The following ZSCAN21 variants were observed in gnomAD, a reference collection of about 807,000 sequenced individuals.
ZSCAN21 encodes zinc finger and SCAN domain-containing protein 21.
Under a neutral mutation model 35.6 loss-of-function variants are expected in ZSCAN21, and 26 were observed. The ratio of observed to expected loss-of-function variants is 0.73; its 90% CI spans 0.54 to 1.01. The LOEUF is 1.01. ZSCAN21 is among the 50% of genes least tolerant of loss of function. The pLI is 0.00. For missense variants in ZSCAN21, 593 were observed against 587.1 expected (o/e 1.01, Z -0.10); for synonymous variants, 219 against 219.3 (o/e 1.00, Z 0.01).
chr7:100,054,957 CTTT>C (rs10596959), intron 1 of ZSCAN21, among the ~76,000 whole-genome samples: 53 of 132,398 alleles, frequency 4.0e-4, no homozygotes, highest in Admixed American at 7.6e-4. Flanking sequence ...TATGATCTCT[CTTT>C]TTTTTTTTTT....
chr7:100,057,937 G>A, intron 3 of ZSCAN21, 47 bp downstream of exon 3: 1 of 1,409,754 alleles, frequency 7.1e-7, no homozygotes, highest in Non-Finnish European at 9.4e-7. Flanking sequence ...AGGCCCCTGT[G>A]GTTGGAGAAG....
rs1488557406 is a variant in ZSCAN21 at position 100,064,128 on chromosome 7, G to C, written c.933G>C (p.Gly311=). 6.2e-7 allele frequency: 1 copy of C among 1,614,118 alleles called. No individual in the cohort carries two copies. Among genetic ancestry groups the C allele is most frequent in the Non-Finnish European group, 8.5e-7 (1 of 1,180,032 alleles). Residue 311 remains glycine (G), a synonymous_variant, in exon 4 of 4, where the codon GGG becomes GGC. Transcript: ENST00000292450. ...AACCTTACGTGTGCACCAAGTGTGGGAAAGCTTTCAGCCACAGCTCAAACC... is the reference window on the plus strand; with the variant it reads ...AACCTTACGTGTGCACCAAGTGTGGCAAAGCTTTCAGCCACAGCTCAAACC... The part of the protein sequence containing the change: ...GEKPYVCTKC[G]KAFSHSSNLT...
At chr7:100,051,282 C>CTTATTTTTTTTTTTTTTTTT (rs1791863564) in intron 1 of ZSCAN21, among the ~76,000 whole-genome samples, 1 of 34,948 alleles carries the variant, frequency 2.9e-5, no homozygotes, top group Non-Finnish European at 5.2e-5. Flanking sequence ...TAGGGATTTT[C>CTTATTTTTTTTTTTTTTTTT]TTTTTTTTTT....
chr7:100,057,058 C>T lies in ZSCAN21; in HGVS notation c.52C>T (p.Gln18Ter), dbSNP rs1357821710. 2 of 1,614,070 alleles carry T rather than the reference C, an allele frequency of 1.2e-6. No homozygotes were observed. The highest frequency in any genetic ancestry group is 1.3e-5 in the African/African-American group (1 of 75,058). Residue 18 changes from glutamine to a stop codon, truncating the protein, a stop_gained, in exon 2 of 4, where the codon CAG (glutamine) becomes TAG (stop). Coordinates refer to ENST00000292450, the MANE Select transcript of ZSCAN21 (RefSeq NM_145914.3). LOFTEE classifies it high-confidence loss of function. ...CCCAGTTCTGGGCCCTAGGCCTCCACAGGAGCAGGTGGGGCCTCTGATGGT... is the reference window on the plus strand; with the variant it reads ...CCCAGTTCTGGGCCCTAGGCCTCCATAGGAGCAGGTGGGGCCTCTGATGGT... ...MAPVLGPRPPQEQVGPLMVKV... is the reference protein window; with the variant it reads ...MAPVLGPRPP
At chr7:100,060,838 G>A (rs1339404010) in intron 3 of ZSCAN21, among the ~76,000 whole-genome samples, 2 of 136,192 alleles carry the variant, frequency 1.5e-5, no homozygotes, top group Admixed American at 8.5e-5. Context: ...CCAGCCTGGC[G>A]CAACAGAGTA....
Position 100,064,638 on chromosome 7 carries a change from T to C in ZSCAN21, c.*21T>C, listed in dbSNP as rs1554360449. On this transcript the variant is annotated 3_prime_UTR_variant, in exon 4 of 4. Transcript: ENST00000292450. ...CGTAACTTTCAAGCGCTCCTGTTGTTGTCGTTGTTTTAAACTTTAGAATCT... is the reference window on the plus strand; with the variant it reads ...CGTAACTTTCAAGCGCTCCTGTTGTCGTCGTTGTTTTAAACTTTAGAATCT... 1.9e-6 allele frequency: 3 copies of C among 1,605,232 alleles called. No individual in the cohort carries two copies. The Admixed American group carries it at 5.1e-5, about 27-fold the overall frequency.
In ZSCAN21 at chr7:100,057,021, A is replaced by G. The variant is rs2116100539; in HGVS notation, c.15A>G (p.Val5=). The G allele has an allele frequency of 6.2e-7, 1 of 1,610,060 alleles. No individual in the cohort carries two copies. The highest frequency in any genetic ancestry group is 1.1e-5 in the South Asian group (1 of 90,700). Residue 5 remains valine (V), a synonymous_variant, in exon 2 of 4, where the codon GTA becomes GTG. Transcript: ENST00000292450. MMTK[V]LGMAPVLGPR... is the part of the protein sequence containing the mutation. ...CTGGAGTTTACATGATGACCAAGGTACTAGGCATGGCCCCAGTTCTGGGCC... is the reference window on the plus strand; with the variant it reads ...CTGGAGTTTACATGATGACCAAGGTGCTAGGCATGGCCCCAGTTCTGGGCC...
chr7:100,060,596 G>A (rs1403756468), intron 3 of ZSCAN21, among the ~76,000 whole-genome samples: 2 of 151,060 alleles, frequency 1.3e-5, no homozygotes, highest in Non-Finnish European at 2.9e-5. Flanking sequence ...GCTGGGCATG[G>A]TGGCTCACGC....
At chr7:100,060,858 C>CAAAAAAA (rs372983638) in intron 3 of ZSCAN21, among the ~76,000 whole-genome samples, 1 of 74,452 alleles carries the variant, frequency 1.3e-5, no homozygotes, top group Non-Finnish European at 2.6e-5. Flanking sequence ...AGGACTCCGT[C>CAAAAAAA]AAAAAAAAAA....
intron 1 of ZSCAN21, among the ~76,000 whole-genome samples, chr7:100,053,808 G>A (rs1374633621): frequency 1.3e-5 from 2 of 151,920 alleles, no homozygotes; most frequent in African/African-American, 4.8e-5. Context: ...ACCAGAAACC[G>A]AAAGGAACCA....
At position 100,063,998 on chromosome 7, in the gene ZSCAN21, C is replaced by T. The variant is rs1428047499; in HGVS notation, c.803C>T (p.Thr268Ile). The T allele has an allele frequency of 6.2e-7, 1 of 1,614,062 alleles. No individual in the cohort carries two copies. The highest frequency in any genetic ancestry group is 8.5e-7 in the Non-Finnish European group (1 of 1,180,032). Residue 268 changes from threonine (T) to isoleucine (I), a missense_variant, in exon 4 of 4, where the codon ACT (threonine) becomes ATT (isoleucine). By Grantham distance (89) the Thr-to-Ile change is moderately conservative. Transcript: ENST00000292450. The part of the protein sequence containing the change: ...GSKKGRESVP[T>I]KPTPGERRYI... ...AAGAAAGGTAGAGAATCAGTTCCTA[C>T]TAAACCTACCCCAGGAGAGAGACGT... is the stretch of plus-strand genomic sequence containing the variant.
At chr7:100,055,739 C>T (rs1022597795) in intron 1 of ZSCAN21, among the ~76,000 whole-genome samples, 5 of 149,998 alleles carry the variant, frequency 3.3e-5, no homozygotes, top group Non-Finnish European at 4.4e-5. Context: ...GTCCCTGGTT[C>T]AGGCCATTCT....
rs1414030259 is a variant in ZSCAN21, at chr7:100,064,348, G to A, written c.1153G>A (p.Glu385Lys). Residue 385 changes from glutamate to lysine, a missense_variant, in exon 4 of 4, where the codon GAG becomes AAG. Physicochemically the swap from Glu to Lys is moderately conservative, Grantham distance 56. Coordinates refer to ENST00000292450, the MANE Select transcript of ZSCAN21 (RefSeq NM_145914.3). ...TCGTCACTATCGGATCCACACTGGG[G>A]AGAAGCCTTATCAGTGTAACGAATG... ...LIRHYRIHTG[E>K]KPYQCNECGK... The A allele has an allele frequency of 1.2e-6, 2 of 1,614,174 alleles. No individual in the cohort carries two copies. The highest frequency in any genetic ancestry group is 3.3e-5 in the Admixed American group (2 of 60,014).
intron 3 of ZSCAN21, among the ~76,000 whole-genome samples, chr7:100,058,796 A>G (rs1253485770): frequency 1.3e-5 from 2 of 152,118 alleles, no homozygotes; most frequent in East Asian, 1.9e-4. Context: ...TGCAGCCTCA[A>G]TCTCTGGGGC....
intron 3 of ZSCAN21, 121 bp from the exon 4 acceptor site, chr7:100,063,667 G>A (rs1267435946): frequency 2.1e-5 from 18 of 858,656 alleles, no homozygotes; most frequent in South Asian, 3.5e-5. Flanking sequence ...GCTATCATGA[G>A]CTCTGTTTAG....
At chr7:100,058,420 C>G (rs916558952) in intron 3 of ZSCAN21, among the ~76,000 whole-genome samples, 1 of 152,206 alleles carries the variant, frequency 6.6e-6, no homozygotes, top group Non-Finnish European at 1.5e-5. Context: ...GCCCTTAAAT[C>G]TCCTGCTTTT....
rs1338330955 is a variant in ZSCAN21, at chr7:100,064,977, A to G, written c.*360A>G. 1.9e-6 allele frequency: 3 copies of G among 1,593,576 alleles called. No homozygotes were observed. Among genetic ancestry groups the G allele is most frequent in the African/African-American group, 1.4e-5 (1 of 74,058 alleles). On this transcript the variant is annotated 3_prime_UTR_variant, in exon 4 of 4. Coordinates refer to ENST00000292450, the MANE Select transcript of ZSCAN21 (RefSeq NM_145914.3). ...CATATATTCAAGAATTTTAATTTGT[A>G]AAGAATTGAGCCACATTGAACACAA...
At chr7:100,062,280 T>C (rs12537266) in intron 3 of ZSCAN21, among the ~76,000 whole-genome samples, 1 of 149,180 alleles carries the variant, frequency 6.7e-6, no homozygotes, top group African/African-American at 2.5e-5. Context: ...GCTCAACTGT[T>C]CTTTTTTTTT....
At chr7:100,062,631 G>A (rs1229581002) in intron 3 of ZSCAN21, among the ~76,000 whole-genome samples, 1 of 149,358 alleles carries the variant, frequency 6.7e-6, no homozygotes, top group South Asian at 2.1e-4. Flanking sequence ...GGTGGCTCAC[G>A]CCTGTAATCC....
Sources: allele counts gnomAD v4.1 joint callset (sites outside exome capture counted in the v4.1 genomes callset), GRCh38; gene constraint gnomAD v4.1.1; transcripts MANE v1.5; gene names NCBI Gene and HGNC (gene_info 2026-07-23, HGNC 2026-07-21).